HSD17B12: variants seen among roughly 807,000 people sequenced by gnomAD.
The protein encoded by HSD17B12 is very-long-chain 3-oxoacyl-CoA reductase.
A neutral mutation model predicts 39.3 loss-of-function variants in HSD17B12; 32 were observed. The observed-to-expected ratio is 0.81, with a 90% CI of 0.61 to 1.09. The LOEUF is 1.09. Ranked by LOEUF, HSD17B12 falls within the 50% of genes least tolerant of loss-of-function variation. HSD17B12 has a pLI of 0.00. For missense variants in HSD17B12, 342 were observed against 382.9 expected (o/e 0.89, Z 0.89); for synonymous variants, 150 against 146.7 (o/e 1.02, Z -0.16).
chr11:43,676,414 A>G (rs115061306), upstream of HSD17B12, among the ~76,000 whole-genome samples: 2,591 of 152,290 alleles, frequency 0.017, 64 homozygotes, highest in African/African-American at 0.058. Flanking sequence ...GCTGATATTT[A>G]AAACCAAGGG....
At chr11:43,805,922 G>A (rs909936015) in intron 4 of HSD17B12, among the ~76,000 whole-genome samples, 3 of 152,142 alleles carry the variant, frequency 2.0e-5, no homozygotes, top group Non-Finnish European at 4.4e-5. Context: ...TAGCTAGAGC[G>A]ATTCATGGAA....
chr11:43,782,999 T>G (rs1032002460), intron 3 of HSD17B12, among the ~76,000 whole-genome samples: 1 of 152,156 alleles, frequency 6.6e-6, no homozygotes, highest in African/African-American at 2.4e-5. Context: ...AATCTAATCA[T>G]GAGGAAGCAT....
chr11:43,698,500 T>A (rs1949933258), intron 1 of HSD17B12, among the ~76,000 whole-genome samples: 1 of 152,220 alleles, frequency 6.6e-6, no homozygotes, highest in Admixed American at 6.5e-5. Flanking sequence ...TATAGTTGGG[T>A]CAATCCGTTT....
chr11:43,793,844 T>C (rs1337235664), intron 3 of HSD17B12, among the ~76,000 whole-genome samples: 1 of 152,240 alleles, frequency 6.6e-6, no homozygotes, highest in African/African-American at 2.4e-5. Flanking sequence ...CCAGTGAGGA[T>C]ATTCATTATT....
At chr11:43,590,894 A>G in the HSD17B12 span, among the ~76,000 whole-genome samples, 202 of 150,944 alleles carry the variant, frequency 1.3e-3, no homozygotes, top group Non-Finnish European at 2.2e-3. Context: ...TGCTTGCTAC[A>G]GGTGGGTGTT....
At chr11:43,711,489 T>G (rs1469564346) in intron 1 of HSD17B12, among the ~76,000 whole-genome samples, 1 of 150,946 alleles carries the variant, frequency 6.6e-6, no homozygotes, top group Non-Finnish European at 1.5e-5. Context: ...TTTTTTTTTT[T>G]TTTGAGACAG....
intron 1 of HSD17B12, among the ~76,000 whole-genome samples, chr11:43,706,932 C>G (rs959489682): frequency 6.6e-6 from 1 of 151,948 alleles, no homozygotes; most frequent in Non-Finnish European, 1.5e-5. Flanking sequence ...AATTTTATGC[C>G]TCTTTTTCTA....
Position 43,839,990 on chromosome 11 carries a change from C to T in HSD17B12, c.619-9C>T. 6.2e-7 allele frequency: 1 copy of T among 1,610,654 alleles called. No homozygotes were observed. The highest frequency in any genetic ancestry group is 8.5e-7 in the Non-Finnish European group (1 of 1,177,678). On this transcript the variant is annotated splice_polypyrimidine_tract_variant and intron_variant, in intron 8 of 10. Transcript: ENST00000278353. The stretch of plus-strand genomic sequence containing the variant: ...GTGTGTTTTCTTCTCACTCCCACTC[C>T]CCTCCCAGACTTTTGTAGATTTCTT...
At chr11:43,759,885 A>G (rs186590246) in intron 3 of HSD17B12, among the ~76,000 whole-genome samples, 1 of 147,012 alleles carries the variant, frequency 6.8e-6, no homozygotes, top group East Asian at 2.0e-4. Context: ...GTACCACCAC[A>G]CTTGGCTGAT....
chr11:43,587,579 A>G, the HSD17B12 span, among the ~76,000 whole-genome samples: 5 of 152,206 alleles, frequency 3.3e-5, no homozygotes, highest in Non-Finnish European at 5.9e-5. Context: ...TAATACTGCA[A>G]GTGGCTAGAA....
chr11:43,766,254 A>C (rs1950594539), intron 3 of HSD17B12, among the ~76,000 whole-genome samples: 2 of 152,020 alleles, frequency 1.3e-5, no homozygotes, highest in Admixed American at 1.3e-4. Context: ...TAGTAGACAG[A>C]CTTGACTGCT....
chr11:43,706,797 G>A (rs1247647693), intron 1 of HSD17B12, among the ~76,000 whole-genome samples: 1 of 151,506 alleles, frequency 6.6e-6, no homozygotes, highest in Non-Finnish European at 1.5e-5. Context: ...TTGGAAAGAC[G>A]ACACTTCCTG....
Position 43,838,325 on chromosome 11 carries a change from G to A in HSD17B12, c.545G>A (p.Gly182Glu), listed in dbSNP as rs772354774. The change falls in exon 8 of 11, where the codon GGG (glycine) becomes GAG (glutamate). Residue 182 changes from glycine (G) to glutamate (E), a missense_variant. Physicochemically the swap from Gly to Glu is moderately conservative, Grantham distance 98 (BLOSUM62 -2). Transcript: ENST00000278353. ...TACATTTTCCTTTTTAGATCCAAAGGGGCTATTCTGAACATTTCATCTGGC... is the reference window on the plus strand; with the variant it reads ...TACATTTTCCTTTTTAGATCCAAAGAGGCTATTCTGAACATTTCATCTGGC... ...VLPGMVERSK[G>E]AILNISSGSG... is the part of the protein sequence containing the mutation. 2.1e-5 allele frequency: 34 copies of A among 1,612,280 alleles called. No individual in the cohort carries two copies. Among genetic ancestry groups the A allele is most frequent in the Non-Finnish European group, 2.8e-5 (33 of 1,178,612 alleles).
the HSD17B12 span, chr11:43,581,572 C>T: frequency 2.5e-5 from 10 of 406,100 alleles, no homozygotes; most frequent in Middle Eastern, 6.7e-4. The surrounding 1 kb of genome is among the most constrained non-coding windows in gnomAD (Gnocchi z 4.9). Flanking sequence ...CCGGCCCTTT[C>T]CCCGTTTTCC....
At chr11:43,695,001 G>A (rs1949896931) in intron 1 of HSD17B12, among the ~76,000 whole-genome samples, 1 of 152,022 alleles carries the variant, frequency 6.6e-6, no homozygotes, top group Non-Finnish European at 1.5e-5. Context: ...GTCTAGTAGA[G>A]ATGGTGAAAC....
chr11:43,789,469 G>A (rs1335955636), intron 3 of HSD17B12, among the ~76,000 whole-genome samples: 1 of 152,204 alleles, frequency 6.6e-6, no homozygotes, highest in Non-Finnish European at 1.5e-5. Context: ...ACAGTTTAGG[G>A]AGTGAGATGC....
At chr11:43,653,026 G>A in the HSD17B12 span, among the ~76,000 whole-genome samples, 1 of 151,972 alleles carries the variant, frequency 6.6e-6, no homozygotes, top group Non-Finnish European at 1.5e-5. Context: ...TCTGAAATGA[G>A]GGTCTTATGA....
At chr11:43,800,506 G>A (rs1950956072) in intron 4 of HSD17B12, among the ~76,000 whole-genome samples, 1 of 138,662 alleles carries the variant, frequency 7.2e-6, no homozygotes. Flanking sequence ...AGGGCTGGAG[G>A]ATTGTACAAG....
upstream of HSD17B12, among the ~76,000 whole-genome samples, chr11:43,676,053 A>G (rs541956367): frequency 6.6e-6 from 1 of 152,094 alleles, no homozygotes; most frequent in African/African-American, 2.4e-5. Flanking sequence ...CGGAGGTTGT[A>G]GTCAACTGAG....
Sources: gnomAD v4.1 joint callset for allele counts (sites outside exome capture counted in the v4.1 genomes callset) on GRCh38, gnomAD v4.1.1 for gene constraint, Gnocchi (gnomAD v3.1) non-coding constraint, MANE v1.5 for transcripts, NCBI Gene and HGNC (gene_info 2026-07-23, HGNC 2026-07-21) for gene names.